The following PADI4 variants were observed in gnomAD, a reference collection of about 807,000 sequenced individuals.
The protein encoded by PADI4 is peptidyl arginine deiminase 4, also known as protein-arginine deiminase type-4.
Under a neutral mutation model 75.0 loss-of-function variants are expected in PADI4, and 62 were observed. That is an observed-to-expected ratio of 0.83 (90% confidence interval 0.67 to 1.02). The LOEUF (loss-of-function observed/expected upper bound fraction) is 1.02. PADI4 is among the 50% of genes least tolerant of loss of function. The pLI is 0.00. For missense variants in PADI4, 845 were observed against 850.5 expected (o/e 0.99, Z 0.08); for synonymous variants, 361 against 348.1 (o/e 1.04, Z -0.41).
At chr1:17,340,470 A>G (rs2074397959) in intron 6 of PADI4, among the ~76,000 whole-genome samples, 1 of 152,068 alleles carries the variant, frequency 6.6e-6, no homozygotes, top group African/African-American at 2.4e-5. Flanking sequence ...AGAGGGAGGT[A>G]TAGGAACAGC....
At chr1:17,314,480 G>C (rs925326445) in intron 1 of PADI4, among the ~76,000 whole-genome samples, 34 of 152,322 alleles carry the variant, frequency 2.2e-4, no homozygotes, top group Admixed American at 1.4e-3. Context: ...TCCTGGCCGG[G>C]AACTGCCCCC....
intron 1 of PADI4, among the ~76,000 whole-genome samples, chr1:17,323,275 C>CAG (rs1218270177): frequency 7.5e-6 from 1 of 133,174 alleles, no homozygotes; most frequent in Non-Finnish European, 1.7e-5. Context: ...GAGAGAGAGA[C>CAG]AGAGAGAGAA....
At chr1:17,331,210 C>A in intron 2 of PADI4, 61 bp downstream of exon 2, 1 of 1,415,254 alleles carries the variant, frequency 7.1e-7, no homozygotes, top group Non-Finnish European at 9.8e-7. Flanking sequence ...GCCACACACA[C>A]TCTGTCCTGC....
At chr1:17,311,989 G>A (rs1180954699) in intron 1 of PADI4, among the ~76,000 whole-genome samples, 1 of 152,178 alleles carries the variant, frequency 6.6e-6, no homozygotes, top group Non-Finnish European at 1.5e-5. Flanking sequence ...GTGTCTGGCA[G>A]AGGGGTCCCC....
chr1:17,344,436 A>G (rs2074478779), intron 8 of PADI4, among the ~76,000 whole-genome samples: 1 of 152,274 alleles, frequency 6.6e-6, no homozygotes, highest in South Asian at 2.1e-4. Context: ...TGCATAAGTA[A>G]CAAGGAGATT....
intron 1 of PADI4, among the ~76,000 whole-genome samples, chr1:17,317,101 A>G (rs2073954005): frequency 6.6e-6 from 1 of 152,104 alleles, no homozygotes; most frequent in Non-Finnish European, 1.5e-5. Flanking sequence ...TGTCATGGAG[A>G]TGCCTGTAGA....
chr1:17,328,224 A>G (rs1343748348), intron 1 of PADI4, among the ~76,000 whole-genome samples: 3 of 151,986 alleles, frequency 2.0e-5, no homozygotes, highest in African/African-American at 4.8e-5. Context: ...GGATCTTCCT[A>G]TGTTGCCCAG....
In PADI4 at chr1:17,356,077, G is replaced by T; in HGVS notation, c.1405G>T (p.Val469Leu). ...PVKLYSDWLS[V>L]GHVDEFLSFV... The stretch of plus-strand genomic sequence containing the variant: ...GAAGCTCTATTCTGACTGGCTGTCC[G>T]TGGGCCACGTGGACGAGTTCCTGAG... The change falls in exon 12 of 16, where the codon GTG becomes TTG. Residue 469 changes from valine (V) to leucine (L), a missense_variant. Coordinates refer to ENST00000375448, the MANE Select transcript of PADI4 (RefSeq NM_012387.3). The surrounding 1 kb of genome is among the most constrained non-coding windows in gnomAD (Gnocchi z 4.1). The T allele has an allele frequency of 6.2e-7, 1 of 1,614,168 alleles. No individual in the cohort carries two copies. Among genetic ancestry groups the T allele is most frequent in the South Asian group, 1.1e-5 (1 of 91,088 alleles).
At chr1:17,353,652 T>C (rs2100237175) in intron 10 of PADI4, among the ~76,000 whole-genome samples, 1 of 152,310 alleles carries the variant, frequency 6.6e-6, no homozygotes, top group East Asian at 1.9e-4. Context: ...ACCTGATGTT[T>C]CCTTATATGG....
intron 1 of PADI4, among the ~76,000 whole-genome samples, chr1:17,325,386 T>G (rs2074101763): frequency 6.6e-6 from 1 of 152,162 alleles, no homozygotes; most frequent in Non-Finnish European, 1.5e-5. Context: ...TGTTTTCTTC[T>G]TAAAGAAATG....
Position 17,317,735 on chromosome 1 carries a change from T to C in PADI4, c.92+9421T>C, listed in dbSNP as rs111655523. On this transcript the variant is annotated intron_variant, in intron 1 of 15. Transcript: ENST00000375448. ...TCTGGAGAGCGTGTTAAAACACAGA[T>C]TGCTGCCGGGCACTGTGGCTTGCGC... Among the ~76,000 whole-genome samples the C allele has an allele frequency of 4.8e-3, 732 of 151,938 alleles. 7 individuals carry two copies. The highest frequency in any genetic ancestry group is 0.017 in the African/African-American group (688 of 41,502).
At position 17,342,128 on chromosome 1, in the gene PADI4, C is replaced by T. The variant is rs199938784; in HGVS notation, c.831+7C>T. 5.2e-5 allele frequency: 84 copies of T among 1,612,794 alleles called. No homozygotes were observed. The East Asian group carries it at 8.7e-4, about 17-fold the overall frequency. On this transcript the variant is annotated splice_region_variant and intron_variant, in intron 7 of 15. Transcript: ENST00000375448. Reference sequence around the variant, plus strand: ...GCTGGACACGTCCAACCTGGTAGGCCGAGAAGGCAGCCCTGCATCGGGGGC... The same window carrying T: ...GCTGGACACGTCCAACCTGGTAGGCTGAGAAGGCAGCCCTGCATCGGGGGC...
In PADI4 at chr1:17,347,982, G is replaced by C. The variant is rs17852287; in HGVS notation, c.1089G>C (p.Thr363=). The change falls in exon 10 of 16, where the codon ACG becomes ACC. Residue 363 remains threonine (T), a synonymous_variant. Transcript: ENST00000375448. ...GCTACATCCAAGCCCCACACAAAAC[G>C]CTGCCCGTGGTCTTCGACTCTCCAA... is the stretch of plus-strand genomic sequence containing the variant. ...EIGYIQAPHK[T]LPVVFDSPRN... 2 of 1,605,522 alleles carry C rather than the reference G, an allele frequency of 1.2e-6. No homozygotes were observed. Among genetic ancestry groups the C allele is most frequent in the Middle Eastern group, 1.7e-4 (1 of 6,018 alleles).
At chr1:17,319,255 G>T (rs1182813055) in intron 1 of PADI4, among the ~76,000 whole-genome samples, 1 of 152,000 alleles carries the variant, frequency 6.6e-6, no homozygotes, top group Non-Finnish European at 1.5e-5. Context: ...AGAGTACAGG[G>T]TTTTACCTAG....
At chr1:17,336,817 T>G (rs2074321010) in intron 4 of PADI4, among the ~76,000 whole-genome samples, 1 of 152,178 alleles carries the variant, frequency 6.6e-6, no homozygotes, top group Non-Finnish European at 1.5e-5. Flanking sequence ...TGAAGATCCT[T>G]TGTGGGGTCA....
At chr1:17,352,941 G>T (rs1176865294) in intron 10 of PADI4, among the ~76,000 whole-genome samples, 1 of 152,210 alleles carries the variant, frequency 6.6e-6, no homozygotes, top group African/African-American at 2.4e-5. Context: ...AGGTGAACCA[G>T]GATCCCCCGG....
At chr1:17,343,169 A>G (rs1003087499) in intron 8 of PADI4, among the ~76,000 whole-genome samples, 2 of 152,274 alleles carry the variant, frequency 1.3e-5, no homozygotes, top group Non-Finnish European at 2.9e-5. Flanking sequence ...CCTGGGCGAC[A>G]GAGCAAGACT....
intron 6 of PADI4, among the ~76,000 whole-genome samples, chr1:17,341,229 G>A (rs917574629): frequency 2.0e-5 from 3 of 151,748 alleles, no homozygotes; most frequent in Non-Finnish European, 4.4e-5. Context: ...CTCCCGAGTA[G>A]CTGTGATTAT....
chr1:17,354,445 C>A, intron 10 of PADI4, 88 bp from the exon 11 acceptor site: 1 of 1,155,236 alleles, frequency 8.7e-7, no homozygotes, highest in Non-Finnish European at 1.3e-6. Flanking sequence ...ACTTCCTGTG[C>A]CCAAGTTCAT....
Sources: allele counts gnomAD v4.1 joint callset (sites outside exome capture counted in the v4.1 genomes callset), GRCh38; gene constraint gnomAD v4.1.1; non-coding constraint Gnocchi (gnomAD v3.1); transcripts MANE v1.5; gene names NCBI Gene and HGNC (gene_info 2026-07-23, HGNC 2026-07-21).